The following SV2C variants were observed in gnomAD, a reference collection of about 807,000 sequenced individuals.
SV2C encodes the protein synaptic vesicle glycoprotein 2C.
Under a neutral mutation model 79.7 loss-of-function variants are expected in SV2C, and 49 were observed. The observed-to-expected ratio is 0.61, with a 90% confidence interval of 0.49 to 0.78. The LOEUF is 0.78. Ranked by LOEUF, SV2C falls within the 30% of genes least tolerant of loss-of-function variation. The pLI is 0.00. For synonymous variants in SV2C, 334 were observed against 333.2 expected, an observed-to-expected ratio of 1.00 and a Z score of -0.03; for missense variants, 833 against 912.9, an observed-to-expected ratio of 0.91 and a Z score of 1.13.
At chr5:76,071,431 A>G in the SV2C span, among the ~76,000 whole-genome samples, 2 of 152,338 alleles carry the variant, frequency 1.3e-5, 1 homozygote, top group Non-Finnish European at 2.9e-5. Context: ...GAAATGGCTA[A>G]TAGAGTACCC....
chr5:75,966,676 G>C, the SV2C span, among the ~76,000 whole-genome samples: 1 of 152,182 alleles, frequency 6.6e-6, no homozygotes, highest in Non-Finnish European at 1.5e-5. Context: ...ACTACTCTGG[G>C]TGCACAGCCT....
At chr5:76,151,436 G>T (rs73764497) in intron 2 of SV2C, among the ~76,000 whole-genome samples, 1,712 of 152,302 alleles carry the variant, frequency 0.011, 27 homozygotes, top group African/African-American at 0.039. Flanking sequence ...ATGTCATTTG[G>T]GAGACTGCTG....
chr5:76,167,363 G>A (rs1743076327), intron 2 of SV2C, among the ~76,000 whole-genome samples: 1 of 152,098 alleles, frequency 6.6e-6, no homozygotes, highest in African/African-American at 2.4e-5. Flanking sequence ...CCTTGTCTTT[G>A]TGTCTTGATA....
In SV2C at chr5:76,340,250, G is replaced by A. The variant is rs559827900; in HGVS notation, c.2001-12880G>A. Among the ~76,000 whole-genome samples the A allele has an allele frequency of 8.9e-4, 136 of 152,286 alleles. 4 individuals carry two copies. Among genetic ancestry groups the A allele is most frequent in the Non-Finnish European group, 5.7e-4 (39 of 68,016 alleles). ...AAAACTAATGAATAATCCACCCCTT[G>A]TTTAGCATATAAGTAAGAAATAACT... On this transcript the variant is annotated intron_variant, in intron 12 of 12. Transcript: ENST00000322285.
At chr5:75,850,353 T>G in the SV2C span, among the ~76,000 whole-genome samples, 1,046 of 152,320 alleles carry the variant, frequency 6.9e-3, 9 homozygotes, top group African/African-American at 0.023. Flanking sequence ...GCAAGTTAAT[T>G]TTCTATCAAT....
chr5:76,078,908 T>C, upstream of SV2C: 1 of 557,746 alleles, frequency 1.8e-6, no homozygotes. Flanking sequence ...AATGATGACT[T>C]GCAGGGCAAA....
chr5:76,300,313 C>G (rs2112522690), intron 10 of SV2C, among the ~76,000 whole-genome samples: 1 of 151,766 alleles, frequency 6.6e-6, no homozygotes, highest in South Asian at 2.1e-4. Context: ...CACACCCAGC[C>G]CATGCACATT....
the SV2C span, among the ~76,000 whole-genome samples, chr5:75,935,408 T>C: frequency 6.6e-6 from 1 of 152,304 alleles, no homozygotes; most frequent in African/African-American, 2.4e-5. Flanking sequence ...CTCTGAAAGT[T>C]GACCCAGTAA....
At chr5:75,988,273 T>C in the SV2C span, among the ~76,000 whole-genome samples, 1 of 152,046 alleles carries the variant, frequency 6.6e-6, no homozygotes, top group Non-Finnish European at 1.5e-5. Context: ...TATTTCAGTA[T>C]GTAAATGCAC....
At chr5:75,885,661 C>T in the SV2C span, among the ~76,000 whole-genome samples, 1 of 152,072 alleles carries the variant, frequency 6.6e-6, no homozygotes, top group African/African-American at 2.4e-5. Flanking sequence ...GAAATCCTCC[C>T]ACCTCATACT....
downstream of SV2C, among the ~76,000 whole-genome samples, chr5:76,337,229 T>C (rs1385044984): frequency 1.3e-5 from 2 of 152,160 alleles, no homozygotes; most frequent in Non-Finnish European, 2.9e-5. Flanking sequence ...TCTCCTTGGC[T>C]TGTGCATGGC....
chr5:75,919,787 G>T, the SV2C span, among the ~76,000 whole-genome samples: 1 of 152,118 alleles, frequency 6.6e-6, no homozygotes, highest in Non-Finnish European at 1.5e-5. Flanking sequence ...GTGATATTTT[G>T]GACAGCAAGC....
chr5:76,072,076 G>A, the SV2C span, among the ~76,000 whole-genome samples: 1 of 152,038 alleles, frequency 6.6e-6, no homozygotes, highest in African/African-American at 2.4e-5. Context: ...GTCAGAAAAG[G>A]GGCACATGTT....
the SV2C span, among the ~76,000 whole-genome samples, chr5:75,929,070 C>A: frequency 6.6e-6 from 1 of 152,094 alleles, no homozygotes; most frequent in African/African-American, 2.4e-5. Context: ...GCTTAGAGGC[C>A]TCCCCCAAAT....
At chr5:76,000,575 C>G in the SV2C span, among the ~76,000 whole-genome samples, 1 of 152,196 alleles carries the variant, frequency 6.6e-6, no homozygotes, top group African/African-American at 2.4e-5. Context: ...CATCTGACTC[C>G]ACACTTAACC....
the SV2C span, among the ~76,000 whole-genome samples, chr5:75,850,366 G>T: frequency 6.6e-6 from 1 of 152,008 alleles, no homozygotes; most frequent in South Asian, 2.1e-4. Context: ...CTATCAATTT[G>T]TTATATATTT....
intron 1 of SV2C, among the ~76,000 whole-genome samples, chr5:76,122,253 G>A (rs1748533029): frequency 6.6e-6 from 1 of 151,530 alleles, no homozygotes; most frequent in African/African-American, 2.4e-5. Context: ...TTGCTTATCA[G>A]CTTAAGGAGA....
At chr5:76,136,504 CTTG>C in intron 2 of SV2C, among the ~76,000 whole-genome samples, 1 of 151,156 alleles carries the variant, frequency 6.6e-6, no homozygotes, top group Admixed American at 6.6e-5. Context: ...GACAAATACA[CTTG>C]TGATAAATTT....
the SV2C span, among the ~76,000 whole-genome samples, chr5:75,995,836 C>G: frequency 6.6e-6 from 1 of 152,064 alleles, no homozygotes; most frequent in African/African-American, 2.4e-5. Flanking sequence ...CCTGATTTTT[C>G]ATACATCTTC....
Sources: gnomAD v4.1 joint callset for allele counts (sites outside exome capture counted in the v4.1 genomes callset) on GRCh38, gnomAD v4.1.1 for gene constraint, MANE v1.5 for transcripts, NCBI Gene and HGNC (gene_info 2026-07-23, HGNC 2026-07-21) for gene names.